The following RIT2 variants were observed in gnomAD, a reference collection of about 807,000 sequenced individuals.
RIT2 encodes Ras like without CAAX 2.
Under a neutral mutation model 23.7 loss-of-function variants are expected in RIT2, and 24 were observed. The observed-to-expected ratio is 1.01, with a 90% CI of 0.73 to 1.43. RIT2 has a LOEUF of 1.43. Ranked by LOEUF, RIT2 falls within the 40% of genes most tolerant of loss-of-function variation. The pLI, the probability that RIT2 is intolerant of heterozygous loss-of-function variation, is 0.00. For missense variants in RIT2, 236 were observed against 266.9 expected (o/e 0.88, Z 0.81); for synonymous variants, 107 against 91.1 (o/e 1.17, Z -0.99).
intron 4 of RIT2, among the ~76,000 whole-genome samples, chr18:42,771,262 A>G (rs970563003): frequency 4.6e-5 from 7 of 152,148 alleles, no homozygotes; most frequent in African/African-American, 1.4e-4. Context: ...ATGAAACGTT[A>G]GTTTCACTGC....
chr18:42,920,501 C>T (rs1199795256), intron 4 of RIT2, among the ~76,000 whole-genome samples: 2 of 152,178 alleles, frequency 1.3e-5, no homozygotes, highest in South Asian at 2.1e-4. Context: ...AGTAATATCA[C>T]CATCAAAATG....
At chr18:42,984,616 G>A (rs1910668558) in intron 2 of RIT2, among the ~76,000 whole-genome samples, 1 of 151,582 alleles carries the variant, frequency 6.6e-6, no homozygotes, top group Non-Finnish European at 1.5e-5. Context: ...TACTTTTTTG[G>A]CTTCCAAGAA....
chr18:42,751,990 C>T (rs1302776390), intron 4 of RIT2, among the ~76,000 whole-genome samples: 2 of 151,940 alleles, frequency 1.3e-5, no homozygotes, highest in Non-Finnish European at 2.9e-5. Context: ...ACAAACCATA[C>T]ATTTGTCATA....
chr18:42,952,083 A>G (rs537279676), intron 3 of RIT2, among the ~76,000 whole-genome samples: 1 of 152,126 alleles, frequency 6.6e-6, no homozygotes, highest in East Asian at 1.9e-4. Context: ...CCATGATTCA[A>G]TTACCTCCTA....
intron 4 of RIT2, among the ~76,000 whole-genome samples, chr18:42,856,262 A>G (rs1031131283): frequency 2.0e-5 from 3 of 152,238 alleles, no homozygotes; most frequent in African/African-American, 7.2e-5. Context: ...TTCAGGAGAG[A>G]GTCCTATCTC....
intron 2 of RIT2, among the ~76,000 whole-genome samples, chr18:43,023,007 T>G (rs918130995): frequency 6.6e-6 from 1 of 152,078 alleles, no homozygotes; most frequent in Non-Finnish European, 1.5e-5. Flanking sequence ...GTTGCAGTCT[T>G]TATTGCAAGA....
chr18:42,783,972 C>A (rs480519), intron 4 of RIT2, among the ~76,000 whole-genome samples: 149,442 of 152,086 alleles, frequency 0.98, 73,497 homozygotes, highest in Middle Eastern at 1. Context: ...CTCAGCACTC[C>A]TGTACTTCTA....
At chr18:42,925,774 T>C (rs10853499) in intron 3 of RIT2, among the ~76,000 whole-genome samples, 2 of 151,628 alleles carry the variant, frequency 1.3e-5, no homozygotes, top group East Asian at 3.9e-4. Context: ...TACAAGCATA[T>C]ACATATTCCT....
intron 4 of RIT2, among the ~76,000 whole-genome samples, chr18:42,917,556 C>A (rs981513879): frequency 3.3e-5 from 5 of 152,082 alleles, no homozygotes; most frequent in Non-Finnish European, 7.4e-5. Flanking sequence ...GAAAGAGCCT[C>A]CAAATGCATC....
intron 4 of RIT2, among the ~76,000 whole-genome samples, chr18:42,798,348 C>T (rs1321732615): frequency 6.6e-6 from 1 of 152,138 alleles, no homozygotes; most frequent in East Asian, 1.9e-4. Context: ...AATGGTACCC[C>T]ACAGTCATGG....
intron 4 of RIT2, among the ~76,000 whole-genome samples, chr18:42,796,178 C>A (rs1399419512): frequency 1.3e-5 from 2 of 152,130 alleles, no homozygotes; most frequent in African/African-American, 4.8e-5. Context: ...GTAACACTCA[C>A]GGCGAAGGTC....
chr18:42,800,903 A>G (rs957655271), intron 4 of RIT2, among the ~76,000 whole-genome samples: 4 of 152,020 alleles, frequency 2.6e-5, no homozygotes, highest in African/African-American at 7.2e-5. Context: ...ATTACCTCTG[A>G]CTGTGTCCAC....
At chr18:42,889,175 T>C (rs941088964) in intron 4 of RIT2, among the ~76,000 whole-genome samples, 6 of 152,224 alleles carry the variant, frequency 3.9e-5, no homozygotes, top group Admixed American at 2.0e-4. Context: ...AGTTAACATA[T>C]ACTGTTTTAA....
intron 1 of RIT2, among the ~76,000 whole-genome samples, chr18:43,100,600 AG>A (rs1199123613): frequency 6.6e-6 from 1 of 152,178 alleles, no homozygotes; most frequent in Non-Finnish European, 1.5e-5. Context: ...GAGGATGGTA[AG>A]TTAGAATTCA....
chr18:42,784,522 TG>T (rs1308306154), intron 4 of RIT2, among the ~76,000 whole-genome samples: 1 of 152,120 alleles, frequency 6.6e-6, no homozygotes, highest in African/African-American at 2.4e-5. Flanking sequence ...ATGCTTTACA[TG>T]GTACTTGATT....
chr18:42,879,718 C>CA (rs1367531227), intron 4 of RIT2, among the ~76,000 whole-genome samples: 3 of 151,936 alleles, frequency 2.0e-5, no homozygotes, highest in Non-Finnish European at 4.4e-5. Flanking sequence ...TCATGTTCCT[C>CA]AAATGATAGG....
At chr18:42,794,897 A>C (rs1476314978) in intron 4 of RIT2, among the ~76,000 whole-genome samples, 1 of 152,260 alleles carries the variant, frequency 6.6e-6, no homozygotes, top group African/African-American at 2.4e-5. Context: ...ATAAGTTGAC[A>C]CTGGTGAGAG....
At chr18:42,986,467 T>C (rs1367621982) in intron 2 of RIT2, among the ~76,000 whole-genome samples, 1 of 152,122 alleles carries the variant, frequency 6.6e-6, no homozygotes, top group Non-Finnish European at 1.5e-5. Flanking sequence ...TTGTTAATAG[T>C]AGCAGATAAA....
chr18:42,780,806 A>T (rs1272533561), intron 4 of RIT2, among the ~76,000 whole-genome samples: 1 of 150,048 alleles, frequency 6.7e-6, no homozygotes, highest in South Asian at 2.1e-4. Context: ...CATAGCCTGA[A>T]CTAGCTTTTC....
Sources: allele counts gnomAD v4.1 joint callset (sites outside exome capture counted in the v4.1 genomes callset), GRCh38; gene constraint gnomAD v4.1.1; transcripts MANE v1.5; gene names NCBI Gene and HGNC (gene_info 2026-07-23, HGNC 2026-07-21).